The following MDN1 variants were observed in gnomAD, a reference collection of about 807,000 sequenced individuals.
MDN1 encodes the protein midasin.
In MDN1, 266 loss-of-function variants were observed where a neutral mutation model predicts 669.2. The observed-to-expected ratio is 0.40, with a 90% CI of 0.36 to 0.44. MDN1 has a LOEUF of 0.44. Ranked by LOEUF, MDN1 falls within the 20% of genes least tolerant of loss-of-function variation. The pLI, the probability that MDN1 is intolerant of heterozygous loss-of-function variation, is 1.00. For missense variants in MDN1, 5,940 were observed against 6,754.0 expected, an observed-to-expected ratio of 0.88 and a Z score of 4.22; for synonymous variants, 2,385 against 2,457.1, an observed-to-expected ratio of 0.97 and a Z score of 0.87.
chr6:89,670,165 TATA>T (rs1262715568), intron 83 of MDN1, among the ~76,000 whole-genome samples: 76 of 26,442 alleles, frequency 2.9e-3, no homozygotes, highest in African/African-American at 5.2e-3. Context: ...TATATATATA[TATA>T]TATTTTTTTT....
rs1253997937 is a variant in MDN1 at position 89,749,367 on chromosome 6, G to A, written c.3618C>T (p.Val1206=). ...ACCGATTCCTGAAGGCTCTAGAAAG[G>A]ACCTAGACAAAGCACAGGAAGAATG... ...NPPGLYGGRK[V]LSRAFRNRFV... Residue 1206 remains valine (V), a splice_region_variant and synonymous_variant, in exon 26 of 102, where the codon GTC becomes GTT. Coordinates refer to ENST00000369393, the MANE Select transcript of MDN1 (RefSeq NM_014611.3). The A allele has an allele frequency of 1.9e-6, 3 of 1,613,906 alleles. No individual in the cohort carries two copies. The highest frequency in any genetic ancestry group is 2.2e-5 in the South Asian group (2 of 90,972).
At chr6:89,719,075 T>C (rs372961983) in intron 41 of MDN1, 45 bp from the exon 42 acceptor site, 17 of 1,613,488 alleles carry the variant, frequency 1.1e-5, no homozygotes, top group African/African-American at 2.7e-5. Flanking sequence ...TGCCTGGTAG[T>C]GGGAGCAGAA....
Position 89,674,301 on chromosome 6 carries a change from G to A in MDN1, c.13050C>T (p.Asp4350=), listed in dbSNP as rs1023871737. ...GGTAGCTCAGATTGGAAGGAATTAG[G>A]TCCAGCACTACTCCACAAAGTTGTC... ...SKGQLCGVVL[D]LIPSNLSYPS... Residue 4350 remains aspartate (D), a synonymous_variant, in exon 79 of 102, where the codon GAC becomes GAT. Coordinates refer to ENST00000369393, the MANE Select transcript of MDN1 (RefSeq NM_014611.3). The A allele has an allele frequency of 6.2e-7, 1 of 1,614,122 alleles. No homozygotes were observed. Among genetic ancestry groups the A allele is most frequent in the African/African-American group, 1.3e-5 (1 of 74,948 alleles).
intron 59 of MDN1, among the ~76,000 whole-genome samples, chr6:89,698,142 C>T (rs1812895981): frequency 6.6e-6 from 1 of 152,300 alleles, no homozygotes; most frequent in East Asian, 1.9e-4. Flanking sequence ...CTTCCCTCTT[C>T]ACTGGCTCTT....
At chr6:89,759,566 C>T (rs1453222628) in intron 17 of MDN1, among the ~76,000 whole-genome samples, 4 of 152,104 alleles carry the variant, frequency 2.6e-5, no homozygotes, top group Admixed American at 2.6e-4. Context: ...GAGTTCGACA[C>T]CAGCCTGACC....
chr6:89,759,983 A>T (rs960052196), intron 17 of MDN1, among the ~76,000 whole-genome samples: 3 of 151,864 alleles, frequency 2.0e-5, no homozygotes, highest in African/African-American at 7.3e-5. Flanking sequence ...GAGGCAGGAG[A>T]ATTGCTTCAA....
chr6:89,672,396 G>A, intron 81 of MDN1, 33 bp from the exon 82 acceptor site: 1 of 1,607,718 alleles, frequency 6.2e-7, no homozygotes, highest in Non-Finnish European at 8.5e-7. Context: ...ATAACAACAT[G>A]ATGAATAACA....
chr6:89,787,942 G>A lies in MDN1; in HGVS notation c.1246C>T (p.Pro416Ser). 6.2e-7 allele frequency: 1 copy of A among 1,612,948 alleles called. No individual in the cohort carries two copies. The highest frequency in any genetic ancestry group is 8.5e-7 in the Non-Finnish European group (1 of 1,179,814). Residue 416 changes from proline (P) to serine (S), a missense_variant, in exon 8 of 102, where the codon CCT becomes TCT. Pro to Ser is a moderately conservative substitution (Grantham distance 74, BLOSUM62 -1). Coordinates refer to ENST00000369393, the MANE Select transcript of MDN1 (RefSeq NM_014611.3). ...APLDVVSVLI[P>S]LLENGELLIP... ...AAGAGCTCTCCATTCTCCAAGAGAG[G>A]GATCAGCACAGAAACCTAAATCAGA...
intron 77 of MDN1, 87 bp downstream of exon 77, chr6:89,676,015 T>G (rs2128305055): frequency 8.3e-7 from 1 of 1,204,672 alleles, no homozygotes; most frequent in South Asian, 1.3e-5. Context: ...CTGTTATCAC[T>G]TAACAAGGTC....
Position 89,658,242 on chromosome 6 carries a change from A to G in MDN1, c.15150T>C (p.Ala5050=), listed in dbSNP as rs755909691. The G allele has an allele frequency of 6.8e-6, 11 of 1,614,096 alleles. No individual in the cohort carries two copies. Among genetic ancestry groups the G allele is most frequent in the Admixed American group, 5.0e-5 (3 of 60,006 alleles). ...CCTGCTCCTTCTCAGGTGCGGCCCC[A>G]GCCAGCTCCATGGCCTGTGTGTTCT... The part of the protein sequence containing the change: ...NMQNTQAMEL[A]GAAPEKEQGK... Residue 5050 remains alanine (A), a synonymous_variant, in exon 90 of 102, where the codon GCT becomes GCC. Transcript: ENST00000369393.
chr6:89,769,785 C>G (rs1817990097), intron 15 of MDN1, among the ~76,000 whole-genome samples: 1 of 152,180 alleles, frequency 6.6e-6, no homozygotes, highest in Non-Finnish European at 1.5e-5. Flanking sequence ...TGTTTACTCA[C>G]TATATTTAAA....
intron 91 of MDN1, 40 bp from the exon 92 acceptor site, chr6:89,656,008 A>G (rs752099723): frequency 2.5e-6 from 4 of 1,573,202 alleles, no homozygotes; most frequent in African/African-American, 2.7e-5. Flanking sequence ...CTTGCCTGTC[A>G]TGACAAAAGG....
intron 17 of MDN1, among the ~76,000 whole-genome samples, chr6:89,760,558 C>T (rs1817490201): frequency 6.6e-6 from 1 of 152,082 alleles, no homozygotes; most frequent in Non-Finnish European, 1.5e-5. Flanking sequence ...GCACAATAGT[C>T]AAGATATAGA....
At position 89,758,847 on chromosome 6, in the gene MDN1, T is replaced by G; in HGVS notation, c.2574A>C (p.Gly858=). 6.2e-7 allele frequency: 1 copy of G among 1,614,164 alleles called. No individual in the cohort carries two copies. The highest frequency in any genetic ancestry group is 2.2e-5 in the East Asian group (1 of 44,882). The change falls in exon 18 of 102, where the codon GGA becomes GGC. Residue 858 remains glycine (G), a synonymous_variant. Coordinates refer to ENST00000369393, the MANE Select transcript of MDN1 (RefSeq NM_014611.3). ...CLSGLLEGSS[G]SLVLLDRGDT... is the part of the protein sequence containing the mutation. Reference sequence around the variant, plus strand: ...CTCCTCGATCCAGCAACACCAGGGATCCAGAAGATCCTTCAAGCAAACCAC... The same window carrying G: ...CTCCTCGATCCAGCAACACCAGGGAGCCAGAAGATCCTTCAAGCAAACCAC...
chr6:89,662,946 T>A lies in MDN1; in HGVS notation c.14258A>T (p.Asp4753Val), dbSNP rs770889576. The change falls in exon 86 of 102, where the codon GAT (aspartate) becomes GTT (valine). Residue 4753 changes from aspartate to valine, a missense_variant. Asp to Val is a radical substitution (Grantham distance 152). Coordinates refer to ENST00000369393, the MANE Select transcript of MDN1 (RefSeq NM_014611.3). The stretch of plus-strand genomic sequence containing the variant: ...TTTATCCAGGTCTCCGCCCTCACTA[T>A]CTGATTTCTCATCATCCTCTTCTGA... ...EEQEEDDEKS[D>V]SEGGDLDKHM... is the part of the protein sequence containing the mutation. The A allele has an allele frequency of 1.2e-6, 2 of 1,614,152 alleles. No individual in the cohort carries two copies. The highest frequency in any genetic ancestry group is 4.5e-5 in the East Asian group (2 of 44,872).
In MDN1 at chr6:89,819,751, G is replaced by C; in HGVS notation, c.-144C>G. ...CTCAGCTCCAGCGCCTACACCGGGA[G>C]AGGGGCACCACACGTGGGTGAGCAC... On this transcript the variant is annotated 5_prime_UTR_variant, in exon 1 of 102. Coordinates refer to ENST00000369393, the MANE Select transcript of MDN1 (RefSeq NM_014611.3). 1 of 657,206 alleles carries C rather than the reference G, an allele frequency of 1.5e-6. No individual in the cohort carries two copies. Among genetic ancestry groups the C allele is most frequent in the Non-Finnish European group, 2.7e-6 (1 of 372,446 alleles). 40.7% of individuals were successfully genotyped at this position (657,206 alleles called of 1,614,324 possible). A position where few individuals can be genotyped will look rare whatever the true frequency, so the allele number is the denominator to read the frequency against.
At position 89,662,824 on chromosome 6, in the gene MDN1, T is replaced by C. The variant is rs768880443; in HGVS notation, c.14380A>G (p.Lys4794Glu). Residue 4794 changes from lysine to glutamate, a missense_variant, in exon 86 of 102, where the codon AAA (lysine) becomes GAA (glutamate). Transcript: ENST00000369393. ...EEEDEEEEDN[K>E]TEETGPGMDE... ...ATTCCTGGTCCTGTTTCTTCAGTTT[T>C]ATTGTCTTCTTCCTCCTCATCTTCC... 6.2e-7 allele frequency: 1 copy of C among 1,613,992 alleles called. No homozygotes were observed. The highest frequency in any genetic ancestry group is 8.5e-7 in the Non-Finnish European group (1 of 1,180,008).
At chr6:89,811,909 G>A (rs1768442578) in intron 1 of MDN1, among the ~76,000 whole-genome samples, 1 of 152,032 alleles carries the variant, frequency 6.6e-6, no homozygotes, top group Non-Finnish European at 1.5e-5. Context: ...GCTTAAATGG[G>A]TTTTATTTAG....
chr6:89,715,206 C>T (rs1340544585), intron 45 of MDN1, among the ~76,000 whole-genome samples: 1 of 152,214 alleles, frequency 6.6e-6, no homozygotes, highest in Admixed American at 6.5e-5. Flanking sequence ...AAACCTGCTC[C>T]TTTACCAGTC....
Sources: allele counts gnomAD v4.1 joint callset (sites outside exome capture counted in the v4.1 genomes callset), GRCh38; gene constraint gnomAD v4.1.1; transcripts MANE v1.5; gene names NCBI Gene and HGNC (gene_info 2026-07-23, HGNC 2026-07-21).